C19orf44: variants seen among roughly 807,000 people sequenced by gnomAD.
C19orf44 encodes uncharacterized protein C19orf44.
A neutral mutation model predicts 50.7 loss-of-function variants in C19orf44; 43 were observed. That is an observed-to-expected ratio of 0.85 (90% CI 0.66 to 1.09). C19orf44 has a LOEUF of 1.09. Among genes scored for constraint, C19orf44 ranks in the 50% least tolerant of loss-of-function variants. The pLI is 0.00. For missense variants in C19orf44, 722 were observed against 836.2 expected, an observed-to-expected ratio of 0.86 and a Z score of 1.68; for synonymous variants, 298 against 334.7, an observed-to-expected ratio of 0.89 and a Z score of 1.20.
rs759256375 is a variant in C19orf44, at chr19:16,500,979, C to T, written c.187C>T (p.Leu63Phe). The change falls in exon 2 of 9, where the codon CTC (leucine) becomes TTC (phenylalanine). Residue 63 changes from leucine to phenylalanine, a missense_variant. Leu to Phe is a conservative substitution (Grantham distance 22). Coordinates refer to ENST00000221671, the MANE Select transcript of C19orf44 (RefSeq NM_032207.4). ...CCAAACTCTAGATGAGAAACACTTA[C>T]TCCTGAAAGAGAACCCTGTGCTCGG... is the stretch of plus-strand genomic sequence containing the variant. ...RNQTLDEKHL[L>F]LKENPVLGSG... 3.1e-6 allele frequency: 5 copies of T among 1,613,428 alleles called. No homozygotes were observed. The East Asian group carries it at 1.1e-4, about 36-fold the overall frequency.
chr19:16,500,355 T>TC (rs1369774652), intron 1 of C19orf44, among the ~76,000 whole-genome samples: 100 of 147,590 alleles, frequency 6.8e-4, no homozygotes, highest in African/African-American at 2.5e-3. Flanking sequence ...TTTTTCTTTT[T>TC]CTTTTTTTTT....
rs766802929 is a variant in C19orf44 at position 16,501,339 on chromosome 19, AAC to A, written c.549_550del (p.Ser185ProfsTer2). ...FLKKKQAPVE[N>X]ISPEAPAGKE... The stretch of plus-strand genomic sequence containing the variant: ...AAAGAAGAAACAAGCACCTGTTGAA[AAC>A]ATATCCCCTGAAGCACCTGCTGGGA... On this transcript the variant is annotated frameshift_variant, in exon 2 of 9. Coordinates refer to ENST00000221671, the MANE Select transcript of C19orf44 (RefSeq NM_032207.4). LOFTEE classifies it high-confidence loss of function. The A allele has an allele frequency of 1.4e-4, 230 of 1,614,046 alleles. 1 individual carries two copies. Among genetic ancestry groups the A allele is most frequent in the Admixed American group, 2.7e-4 (16 of 59,974 alleles).
At position 16,521,175 on chromosome 19, in the gene C19orf44, A is replaced by T. The variant is rs535215696; in HGVS notation, c.*1122A>T. ...GGGACCCATGGTCTGTGGAACTGGG[A>T]AACAGGAACACTGACTCATGGGTGG... On this transcript the variant is annotated 3_prime_UTR_variant, in exon 9 of 9. Transcript: ENST00000221671. 5.1e-6 allele frequency: 3 copies of T among 584,146 alleles called. No individual in the cohort carries two copies. In the South Asian group the frequency reaches 6.1e-5, roughly 12 times the overall value. 36.2% of individuals were successfully genotyped at this position (584,146 alleles called of 1,614,324 possible). A position where few individuals can be genotyped will look rare whatever the true frequency, so the allele number is the denominator to read the frequency against.
At chr19:16,513,473 T>C (rs2093463415) in intron 6 of C19orf44, among the ~76,000 whole-genome samples, 2 of 152,126 alleles carry the variant, frequency 1.3e-5, no homozygotes, top group Non-Finnish European at 2.9e-5. Flanking sequence ...GACCTCTGCC[T>C]CCTGGGTTCA....
At chr19:16,517,131 C>A in intron 7 of C19orf44, 99 bp from the exon 8 acceptor site, 1 of 1,117,762 alleles carries the variant, frequency 8.9e-7, no homozygotes. Context: ...CAGGAGCCTG[C>A]TGGGGACAGG....
rs971492479 is a variant in C19orf44, at chr19:16,520,463, G to A, written c.*410G>A. 1.9e-6 allele frequency: 3 copies of A among 1,613,982 alleles called. No individual in the cohort carries two copies. The highest frequency in any genetic ancestry group is 2.7e-5 in the African/African-American group (2 of 74,930). ...GGATCTTGAGTTGGAGCGGGAGGAA[G>A]AACGCCCTCGACTCTTGGATCTGCT... On this transcript the variant is annotated 3_prime_UTR_variant, in exon 9 of 9. Coordinates refer to ENST00000221671, the MANE Select transcript of C19orf44 (RefSeq NM_032207.4). This position sits in a 1 kb window ranked among gnomAD's most constrained non-coding sequence, Gnocchi z 4.0.
At chr19:16,514,984 C>T (rs1015882617) in intron 7 of C19orf44, among the ~76,000 whole-genome samples, 9 of 152,350 alleles carry the variant, frequency 5.9e-5, no homozygotes, top group Admixed American at 2.0e-4. Context: ...TTCCCTGAGC[C>T]TCCTGAGACA....
chr19:16,521,001 C>T lies in C19orf44; in HGVS notation c.*948C>T. ...GTCATCAGGAGTTAATCCACAGAAC[C>T]TTGGAGAGTACATGGCCCTGTGGCT... On this transcript the variant is annotated 3_prime_UTR_variant, in exon 9 of 9. Coordinates refer to ENST00000221671, the MANE Select transcript of C19orf44 (RefSeq NM_032207.4). 1 of 1,136,850 alleles carries T rather than the reference C, an allele frequency of 8.8e-7. No individual in the cohort carries two copies. Among genetic ancestry groups the T allele is most frequent in the Non-Finnish European group, 1.3e-6 (1 of 755,722 alleles). The allele number at this position is 1,136,850 out of a possible 1,614,324, so 70.4% of individuals were successfully genotyped here.
chr19:16,517,957 C>T (rs763959734), intron 8 of C19orf44: 10 of 152,258 alleles, frequency 6.6e-5, no homozygotes, highest in South Asian at 2.1e-4. Flanking sequence ...ACTAACAGCA[C>T]GTGTTTACGT....
intron 2 of C19orf44, 86 bp from the exon 3 acceptor site, chr19:16,502,979 C>G: frequency 7.8e-6 from 10 of 1,274,420 alleles, no homozygotes; most frequent in Non-Finnish European, 9.6e-6. Context: ...AGAGTGAGAC[C>G]CTTTCTCAAA....
At chr19:16,514,752 G>C (rs1222647965) in intron 7 of C19orf44, 89 bp downstream of exon 7, 13 of 1,371,302 alleles carry the variant, frequency 9.5e-6, no homozygotes, top group Non-Finnish European at 1.2e-5. Flanking sequence ...GCCGGGGCCT[G>C]GGCTCCAGCG....
intron 7 of C19orf44, among the ~76,000 whole-genome samples, chr19:16,515,798 C>CT (rs60324560): frequency 9.6e-5 from 14 of 146,144 alleles, no homozygotes; most frequent in South Asian, 4.4e-4. Flanking sequence ...TATTCATAAA[C>CT]TTTTTTTTTT....
rs745937321 is a variant in C19orf44, at chr19:16,519,686, G to A, written c.*41-408G>A. On this transcript the variant is annotated intron_variant, in intron 8 of 8. Transcript: ENST00000221671. This position sits in a 1 kb window ranked among gnomAD's most constrained non-coding sequence, Gnocchi z 6.0. Reference sequence around the variant, plus strand: ...GAGCCTTGAGTCAGGGATGGGAGGCGCCGAATTAGAACCCAGACCAGCAGA... The same window carrying A: ...GAGCCTTGAGTCAGGGATGGGAGGCACCGAATTAGAACCCAGACCAGCAGA... 55 of 1,613,786 alleles carry A rather than the reference G, an allele frequency of 3.4e-5. No individual in the cohort carries two copies. In the South Asian group the frequency reaches 4.2e-4, roughly 12 times the overall value.
Position 16,514,626 on chromosome 19 carries a change from A to G in C19orf44, c.1865A>G (p.Asp622Gly). The change falls in exon 7 of 9, where the codon GAC becomes GGC. Residue 622 changes from aspartate (D) to glycine (G), a missense_variant. By Grantham distance (94) the Asp-to-Gly change is moderately conservative (BLOSUM62 -1). Transcript: ENST00000221671. ...HASLLRSLDA[D>G]SFHYHTLEEA... is the part of the protein sequence containing the mutation. The stretch of plus-strand genomic sequence containing the variant: ...TCCCTCCTGCGCTCCCTGGACGCGG[A>G]CTCCTTCCACTACCACACCCTGGAG... 6.3e-7 allele frequency: 1 copy of G among 1,587,304 alleles called. No individual in the cohort carries two copies. Among genetic ancestry groups the G allele is most frequent in the South Asian group, 1.1e-5 (1 of 87,592 alleles).
At position 16,503,259 on chromosome 19, in the gene C19orf44, C is replaced by G. The variant is rs774820419; in HGVS notation, c.954C>G (p.Gly318=). 82 of 1,614,026 alleles carry G rather than the reference C, an allele frequency of 5.1e-5. No homozygotes were observed. Among genetic ancestry groups the G allele is most frequent in the Non-Finnish European group, 6.7e-5 (79 of 1,180,052 alleles). ...ACACGCCGTCAGTTTCCATCACAGG[C>G]GCCTTTTCAAACTCAGTGTCTTTAA... ...ASHTPSVSIT[G]AFSNSVSLKM... Residue 318 remains glycine, a synonymous_variant, in exon 3 of 9, where the codon GGC becomes GGG. Coordinates refer to ENST00000221671, the MANE Select transcript of C19orf44 (RefSeq NM_032207.4).
Position 16,500,789 on chromosome 19 carries a change from C to A in C19orf44, c.-1-3C>A. 6.4e-7 allele frequency: 1 copy of A among 1,563,746 alleles called. No individual in the cohort carries two copies. The highest frequency in any genetic ancestry group is 8.6e-7 in the Non-Finnish European group (1 of 1,158,276). Reference sequence around the variant, plus strand: ...ATGCAAAATTGCTCCTCTTCCTCCACAGAATGGCTTCTGCAAGGAAAGCCA... The same window carrying A: ...ATGCAAAATTGCTCCTCTTCCTCCAAAGAATGGCTTCTGCAAGGAAAGCCA... On this transcript the variant is annotated splice_region_variant and splice_polypyrimidine_tract_variant and intron_variant, in intron 1 of 8. Transcript: ENST00000221671.
chr19:16,498,785 C>G (rs1248506337), intron 1 of C19orf44, among the ~76,000 whole-genome samples: 3 of 152,000 alleles, frequency 2.0e-5, no homozygotes, highest in Admixed American at 6.6e-5. Flanking sequence ...ATTCTCCTGC[C>G]TCGGCCTCCT....
intron 3 of C19orf44, among the ~76,000 whole-genome samples, chr19:16,505,154 TCTC>T (rs772264556): frequency 5.9e-5 from 9 of 151,548 alleles, no homozygotes; most frequent in African/African-American, 9.7e-5. Flanking sequence ...TGTGATCTGT[TCTC>T]CTCAGCCTCC....
At chr19:16,504,092 C>T (rs1008644865) in intron 3 of C19orf44, among the ~76,000 whole-genome samples, 1 of 152,096 alleles carries the variant, frequency 6.6e-6, no homozygotes, top group African/African-American at 2.4e-5. Context: ...GCAGGAGGAT[C>T]GTTTGAGCCT....
Sources: gnomAD v4.1 joint callset for allele counts (sites outside exome capture counted in the v4.1 genomes callset) on GRCh38, gnomAD v4.1.1 for gene constraint, Gnocchi (gnomAD v3.1) non-coding constraint, MANE v1.5 for transcripts, NCBI Gene and HGNC (gene_info 2026-07-23, HGNC 2026-07-21) for gene names.